CDH10: variants seen among roughly 807,000 people sequenced by gnomAD.
The protein encoded by CDH10 is cadherin 10.
Under a neutral mutation model 73.1 loss-of-function variants are expected in CDH10, and 30 were observed. That is an observed-to-expected ratio of 0.41 (90% confidence interval 0.31 to 0.56). CDH10 has a LOEUF of 0.56. Among genes scored for constraint, CDH10 ranks in the 20% least tolerant of loss-of-function variants. CDH10 has a pLI of 0.27. For missense variants in CDH10, 815 were observed against 973.7 expected (o/e 0.84, Z 2.17); for synonymous variants, 345 against 348.2 (o/e 0.99, Z 0.10).
chr5:24,626,756 A>G (rs1363463953), intron 1 of CDH10, among the ~76,000 whole-genome samples: 1 of 151,462 alleles, frequency 6.6e-6, no homozygotes, highest in Non-Finnish European at 1.5e-5. Context: ...CCTGGGCAAC[A>G]GAGCAAGACT....
At chr5:24,638,034 C>T (rs1191277369) in intron 1 of CDH10, among the ~76,000 whole-genome samples, 2 of 151,726 alleles carry the variant, frequency 1.3e-5, no homozygotes, top group South Asian at 4.1e-4. Context: ...ATTTTCTCAT[C>T]TCCACTGGGC....
intron 2 of CDH10, among the ~76,000 whole-genome samples, chr5:24,575,891 T>C (rs1315713623): frequency 6.6e-6 from 1 of 152,114 alleles, no homozygotes; most frequent in Non-Finnish European, 1.5e-5. Context: ...AGCACTTCTA[T>C]AAACATTTTT....
In CDH10 at chr5:24,495,911, T is replaced by C. The variant is rs142346703; in HGVS notation, c.1515+2487A>G. On this transcript the variant is annotated intron_variant, in intron 9 of 11. Transcript: ENST00000264463. ...AAAAAAAAGCACCCTTGAACCCTTTTCAGTTGTTAGGGAAGTAATAAGCAT... is the reference window on the plus strand; with the variant it reads ...AAAAAAAAGCACCCTTGAACCCTTTCCAGTTGTTAGGGAAGTAATAAGCAT... Among the ~76,000 whole-genome samples the C allele has an allele frequency of 6.6e-5, 10 of 152,138 alleles. 1 individual carries two copies. Among genetic ancestry groups the C allele is most frequent in the Admixed American group, 1.3e-4 (2 of 15,274 alleles).
At chr5:24,522,540 G>A (rs182692940) in intron 5 of CDH10, among the ~76,000 whole-genome samples, 11 of 151,982 alleles carry the variant, frequency 7.2e-5, no homozygotes, top group African/African-American at 1.4e-4. Context: ...GATGACAGGC[G>A]TCCCTGACTA....
intron 5 of CDH10, 31 bp from the exon 6 acceptor site, chr5:24,511,545 C>CAGAGACAGAGAGAGAGAGAGAGAGAG (rs374439665): frequency 2.0e-6 from 1 of 497,220 alleles, no homozygotes; most frequent in African/African-American, 2.3e-5. Flanking sequence ...AAGAGAGAGA[C>CAGAGACAGAGAGAGAGAGAGAGAGAG]AGAGAGAGAG....
chr5:24,602,540 C>T (rs191211578), intron 1 of CDH10, among the ~76,000 whole-genome samples: 131 of 152,230 alleles, frequency 8.6e-4, no homozygotes, highest in African/African-American at 3.0e-3. Context: ...ATACTTACTA[C>T]GTGATGTTAC....
intron 1 of CDH10, among the ~76,000 whole-genome samples, chr5:24,635,107 C>T (rs1402587784): frequency 6.6e-6 from 1 of 151,804 alleles, no homozygotes; most frequent in Non-Finnish European, 1.5e-5. Flanking sequence ...AAATTTTTCA[C>T]ATTTTGCAGC....
At chr5:24,593,236 C>T (rs747382436) in intron 2 of CDH10, 24 bp downstream of exon 2, 27 of 1,267,180 alleles carry the variant, frequency 2.1e-5, no homozygotes, top group South Asian at 7.2e-5. Flanking sequence ...AATATAAACA[C>T]GTGCCATTTT....
intron 2 of CDH10, among the ~76,000 whole-genome samples, chr5:24,546,408 A>G (rs552133033): frequency 1.3e-5 from 2 of 152,286 alleles, no homozygotes; most frequent in East Asian, 3.9e-4. Flanking sequence ...AGATATTCAT[A>G]TCTTCATCAG....
chr5:24,629,904 G>A (rs1346105729), intron 1 of CDH10, among the ~76,000 whole-genome samples: 1 of 152,116 alleles, frequency 6.6e-6, no homozygotes, highest in East Asian at 1.9e-4. Context: ...ATATTTTCCA[G>A]TGGAAAGAAA....
At chr5:24,492,524 T>C (rs191159820) in intron 10 of CDH10, among the ~76,000 whole-genome samples, 301 of 152,334 alleles carry the variant, frequency 2.0e-3, no homozygotes, top group African/African-American at 6.8e-3. Context: ...TTCTACCCTA[T>C]GTGTCCTATA....
rs980139085 is a variant in CDH10 at position 24,497,284 on chromosome 5, A to C, written c.1515+1114T>G. ...TAGAGGGAGCGATGTATGCAGCAGT[A>C]GCAAAGTGGGTAATTTATCTCTTAG... is the stretch of plus-strand genomic sequence containing the variant. On this transcript the variant is annotated intron_variant, in intron 9 of 11. Transcript: ENST00000264463. Among the ~76,000 whole-genome samples, 193 of 152,058 alleles carry C rather than the reference A, an allele frequency of 1.3e-3. 1 individual carries two copies. The highest frequency in any genetic ancestry group is 2.8e-4 in the Non-Finnish European group (19 of 68,026).
intron 1 of CDH10, among the ~76,000 whole-genome samples, chr5:24,624,814 C>A (rs1376535046): frequency 2.0e-5 from 3 of 152,142 alleles, no homozygotes; most frequent in African/African-American, 7.2e-5. Flanking sequence ...AACCATGTGC[C>A]TGCATGTTCT....
intron 7 of CDH10, among the ~76,000 whole-genome samples, chr5:24,508,805 C>A (rs1365437954): frequency 6.6e-6 from 1 of 152,176 alleles, no homozygotes; most frequent in Non-Finnish European, 1.5e-5. Context: ...AGGTGTGAAC[C>A]AGCACATCCA....
At chr5:24,503,307 A>G (rs1255896442) in intron 8 of CDH10, among the ~76,000 whole-genome samples, 2 of 152,172 alleles carry the variant, frequency 1.3e-5, no homozygotes, top group Non-Finnish European at 1.5e-5. Flanking sequence ...TCCCTAATTA[A>G]TGCTTATTTT....
chr5:24,581,921 T>A (rs1745817151), intron 2 of CDH10, among the ~76,000 whole-genome samples: 1 of 152,006 alleles, frequency 6.6e-6, no homozygotes, highest in African/African-American at 2.4e-5. Context: ...TTGAGAAAAA[T>A]GAGAATAAAA....
chr5:24,576,925 G>A, intron 2 of CDH10, among the ~76,000 whole-genome samples: 1 of 151,662 alleles, frequency 6.6e-6, no homozygotes, highest in Non-Finnish European at 1.5e-5. Context: ...GCCATGATAT[G>A]ATGTGCTGAG....
intron 11 of CDH10, among the ~76,000 whole-genome samples, chr5:24,488,534 T>A (rs1386701270): frequency 6.6e-6 from 1 of 152,172 alleles, no homozygotes; most frequent in African/African-American, 2.4e-5. Context: ...ACAAATTGAA[T>A]TCAGCTTCAA....
At position 24,535,091 on chromosome 5, in the gene CDH10, T is replaced by C. The variant is rs369565209; in HGVS notation, c.814+21A>G. ...ACTCTAAATCTTTTGCCCGGCAGAA[T>C]GACCATTAAAGGGTGCTTACTCTGG... On this transcript the variant is annotated intron_variant, in intron 5 of 11. Transcript: ENST00000264463. The C allele has an allele frequency of 8.5e-6, 13 of 1,535,248 alleles. No individual in the cohort carries two copies. In the African/African-American group the frequency reaches 1.7e-4, roughly 20 times the overall value.
Sources: allele counts gnomAD v4.1 joint callset (sites outside exome capture counted in the v4.1 genomes callset), GRCh38; gene constraint gnomAD v4.1.1; transcripts MANE v1.5; gene names NCBI Gene and HGNC (gene_info 2026-07-23, HGNC 2026-07-21).